Variants in SLC37A1 observed in about 807,000 individuals in gnomAD.
The protein encoded by SLC37A1 is glucose-6-phosphate exchanger SLC37A1.
In SLC37A1, 49 loss-of-function variants were observed where a neutral mutation model predicts 75.3. The observed-to-expected ratio is 0.65, with a 90% CI of 0.52 to 0.83. The LOEUF (loss-of-function observed/expected upper bound fraction) is 0.83. Ranked by LOEUF, SLC37A1 falls within the 40% of genes least tolerant of loss-of-function variation. The probability of loss-of-function intolerance (pLI) is 0.00; values close to 1 mark genes in which losing one functional copy is unlikely to be tolerated. For synonymous variants in SLC37A1, 268 were observed against 292.1 expected (o/e 0.92, Z 0.84); for missense variants, 566 against 695.0 (o/e 0.81, Z 2.09).
chr21:42,553,764 A>G (rs1442253475), intron 9 of SLC37A1, among the ~76,000 whole-genome samples: 1 of 152,142 alleles, frequency 6.6e-6, no homozygotes. Context: ...TTTTCATTTC[A>G]AAACCATTGA....
In SLC37A1 at chr21:42,556,364, G is replaced by A. The variant is rs528385290; in HGVS notation, c.849+2222G>A. 3.9e-4 allele frequency among the ~76,000 whole-genome samples: 59 copies of A among 152,344 alleles called. 1 individual carries two copies. The highest frequency in any genetic ancestry group is 1.4e-3 in the African/African-American group (57 of 41,580). On this transcript the variant is annotated intron_variant, in intron 10 of 19. Transcript: ENST00000352133. ...CGGAGTGGGTATTTGGAGGTTGAAT[G>A]TGACTCCACCGTGCACTTTGCACGC...
At chr21:42,503,406 C>A (rs993607961) in intron 2 of SLC37A1, among the ~76,000 whole-genome samples, 3 of 151,260 alleles carry the variant, frequency 2.0e-5, no homozygotes, top group Admixed American at 2.0e-4. Flanking sequence ...CCTACCACCA[C>A]ACCTGGCTGA....
At position 42,581,207 on chromosome 21, in the gene SLC37A1, G is replaced by A. The variant is rs116976485; in HGVS notation, c.*847G>A. On this transcript the variant is annotated 3_prime_UTR_variant, in exon 20 of 20. Coordinates refer to ENST00000352133, the MANE Select transcript of SLC37A1 (RefSeq NM_001320537.2). ...GGGTCCAAGCCCAGCAACCGGCTTC[G>A]CTCCACAACACACACCACACCTGGG... is the stretch of plus-strand genomic sequence containing the variant. The A allele has an allele frequency of 2.9e-3, 438 of 152,746 alleles. No homozygotes were observed. The highest frequency in any genetic ancestry group is 4.4e-3 in the East Asian group (23 of 5,178). 9.5% of individuals were successfully genotyped at this position (152,746 alleles called of 1,614,324 possible). A position where few individuals can be genotyped will look rare whatever the true frequency, so the allele number is the denominator to read the frequency against.
At chr21:42,539,241 T>C (rs1246916123) in intron 5 of SLC37A1, among the ~76,000 whole-genome samples, 1 of 152,246 alleles carries the variant, frequency 6.6e-6, no homozygotes, top group Non-Finnish European at 1.5e-5. Flanking sequence ...GCAGCTATCA[T>C]AGATAAGTCC....
chr21:42,504,362 G>A (rs2054366065), intron 2 of SLC37A1, among the ~76,000 whole-genome samples: 2 of 152,204 alleles, frequency 1.3e-5, no homozygotes, highest in South Asian at 4.2e-4. Flanking sequence ...GAGGCAGCTT[G>A]GCTTTATTAG....
intron 17 of SLC37A1, among the ~76,000 whole-genome samples, chr21:42,568,930 C>G (rs887332936): frequency 7.9e-5 from 12 of 152,264 alleles, no homozygotes; most frequent in African/African-American, 2.9e-4. Flanking sequence ...GGCAGAGTGC[C>G]AGTCTCCTCG....
At chr21:42,500,405 T>C (rs2054331069) in intron 1 of SLC37A1, among the ~76,000 whole-genome samples, 1 of 152,234 alleles carries the variant, frequency 6.6e-6, no homozygotes. Context: ...GTATACTTCT[T>C]TCTGAAGTCA....
intron 15 of SLC37A1, 50 bp downstream of exon 15, chr21:42,565,925 C>G: frequency 6.4e-7 from 1 of 1,562,342 alleles, no homozygotes; most frequent in Non-Finnish European, 8.8e-7. Flanking sequence ...TTTTAAAGTT[C>G]ACACAGCTGG....
At chr21:42,523,822 G>A (rs1352713478) in intron 2 of SLC37A1, among the ~76,000 whole-genome samples, 1 of 152,186 alleles carries the variant, frequency 6.6e-6, no homozygotes, top group Non-Finnish European at 1.5e-5. Context: ...CTTCCCCAAA[G>A]GCACAGGCAT....
At chr21:42,520,280 A>T (rs181052850) in intron 2 of SLC37A1, among the ~76,000 whole-genome samples, 1 of 152,274 alleles carries the variant, frequency 6.6e-6, no homozygotes, top group East Asian at 1.9e-4. Context: ...TAATTATCCT[A>T]TGGGTCTCGT....
rs2055846028 is a variant in SLC37A1, at chr21:42,562,141, T to G, written c.1045T>G (p.Trp349Gly). 5 of 1,614,220 alleles carry G rather than the reference T, an allele frequency of 3.1e-6. No individual in the cohort carries two copies. The highest frequency in any genetic ancestry group is 4.2e-6 in the Non-Finnish European group (5 of 1,180,036). ...AKLVSYTFLF[W>G]LPLYITNVDH... ...GCTGGTCAGCTATACTTTCCTCTTC[T>G]GGCTGCCCCTGTACATCACGAATGT... Residue 349 changes from tryptophan (W) to glycine (G), a missense_variant, in exon 12 of 20, where the codon TGG becomes GGG. Coordinates refer to ENST00000352133, the MANE Select transcript of SLC37A1 (RefSeq NM_001320537.2).
At position 42,574,802 on chromosome 21, in the gene SLC37A1, A is replaced by G; in HGVS notation, c.1424-16A>G. On this transcript the variant is annotated splice_polypyrimidine_tract_variant and intron_variant, in intron 17 of 19. Transcript: ENST00000352133. The stretch of plus-strand genomic sequence containing the variant: ...TCTCTAAACAGCACCATGTGTGTCC[A>G]TTTGCCTGATTTCAGGAGCAGCCCT... The G allele has an allele frequency of 6.2e-7, 1 of 1,613,706 alleles. No individual in the cohort carries two copies. Among genetic ancestry groups the G allele is most frequent in the Non-Finnish European group, 8.5e-7 (1 of 1,179,884 alleles).
intron 10 of SLC37A1, among the ~76,000 whole-genome samples, chr21:42,558,580 C>T (rs1180251840): frequency 1.3e-5 from 2 of 152,154 alleles, no homozygotes; most frequent in Non-Finnish European, 2.9e-5. Context: ...TAAGCATTTT[C>T]CGTCATTAAA....
chr21:42,573,533 C>T (rs412212), intron 17 of SLC37A1, among the ~76,000 whole-genome samples: 114,319 of 151,978 alleles, frequency 0.75, 44,105 homozygotes, highest in African/African-American at 0.85. Context: ...TCAGTGATGG[C>T]GCAGTTCATG....
intron 16 of SLC37A1, among the ~76,000 whole-genome samples, chr21:42,568,034 C>G (rs1260636415): frequency 6.6e-6 from 1 of 152,266 alleles, no homozygotes; most frequent in African/African-American, 2.4e-5. Context: ...AGGGCAGGGG[C>G]GCGCGTTGCG....
intron 3 of SLC37A1, among the ~76,000 whole-genome samples, chr21:42,531,198 G>T (rs1202341442): frequency 6.6e-6 from 1 of 152,044 alleles, no homozygotes; most frequent in Non-Finnish European, 1.5e-5. Context: ...CACACTCGTC[G>T]CGCTGTGACT....
At chr21:42,554,882 A>G (rs1176339653) in intron 10 of SLC37A1, among the ~76,000 whole-genome samples, 1 of 151,960 alleles carries the variant, frequency 6.6e-6, no homozygotes, top group African/African-American at 2.4e-5. Flanking sequence ...TTAGCTGACC[A>G]CACCAAGCTG....
At chr21:42,558,334 A>C (rs2055742291) in intron 10 of SLC37A1, among the ~76,000 whole-genome samples, 1 of 152,244 alleles carries the variant, frequency 6.6e-6, no homozygotes, top group Non-Finnish European at 1.5e-5. Context: ...CTGGTCATAT[A>C]TGGCCATTGT....
intron 17 of SLC37A1, among the ~76,000 whole-genome samples, chr21:42,572,547 G>A (rs73908206): frequency 0.027 from 4,063 of 150,918 alleles, 173 homozygotes; most frequent in African/African-American, 0.094. Context: ...ACTTTGTATC[G>A]ACCATTTTAC....
Sources: allele counts gnomAD v4.1 joint callset (sites outside exome capture counted in the v4.1 genomes callset), GRCh38; gene constraint gnomAD v4.1.1; transcripts MANE v1.5; gene names NCBI Gene and HGNC (gene_info 2026-07-23, HGNC 2026-07-21).